The following APOO variants were observed in gnomAD, a reference collection of about 807,000 sequenced individuals.
APOO encodes the protein apolipoprotein O, also known as MICOS complex subunit MIC26.
Under a neutral mutation model 23.1 loss-of-function variants are expected in APOO, and 11 were observed. The ratio of observed to expected loss-of-function variants is 0.48; its 90% CI spans 0.30 to 0.79. The LOEUF (loss-of-function observed/expected upper bound fraction) is 0.79, where lower values mean the gene tolerates loss of function less well. Among genes scored for constraint, APOO ranks in the 30% least tolerant of loss-of-function variants. The pLI is 0.07. For missense variants in APOO, 160 were observed against 142.7 expected (o/e 1.12, Z -0.62); for synonymous variants, 59 against 54.8 (o/e 1.08, Z -0.34).
chrX:23,862,120 T>G (rs1925079775), intron 5 of APOO, among the ~76,000 whole-genome samples: 1 of 111,050 alleles, frequency 9.0e-6, no homozygotes, highest in Admixed American at 9.7e-5. Flanking sequence ...TGCCTCACTT[T>G]GAAACATGAC....
intron 1 of APOO, among the ~76,000 whole-genome samples, chrX:23,901,956 C>G (rs763573983): frequency 2.3e-4 from 26 of 111,892 alleles, no homozygotes; most frequent in African/African-American, 8.4e-4. Flanking sequence ...TTTGGAAGGC[C>G]CTTTCAACCT....
intron 8 of APOO, among the ~76,000 whole-genome samples, chrX:23,837,659 A>T (rs1202953228): frequency 9.3e-6 from 1 of 107,428 alleles, no homozygotes; most frequent in African/African-American, 3.4e-5. Context: ...AATATAAATA[A>T]ATATATATAT....
At chrX:23,834,403 A>G (rs761762951) in intron 8 of APOO, among the ~76,000 whole-genome samples, 1 of 109,130 alleles carries the variant, frequency 9.2e-6, no homozygotes, top group South Asian at 3.9e-4. Context: ...CTCAAAAAAA[A>G]AAAAAAAAAA....
At chrX:23,851,012 AT>A (rs1293119034) in intron 7 of APOO, among the ~76,000 whole-genome samples, 1 of 111,137 alleles carries the variant, frequency 9.0e-6, no homozygotes, top group Admixed American at 9.7e-5. Context: ...AATTTGGTAT[AT>A]TTTTATAAAG....
chrX:23,858,293 G>A (rs1569231146), intron 6 of APOO, among the ~76,000 whole-genome samples: 1 of 111,319 alleles, frequency 9.0e-6, no homozygotes, highest in East Asian at 2.8e-4. Flanking sequence ...AGCAGGTTGT[G>A]ACCGGACATG....
intron 7 of APOO, among the ~76,000 whole-genome samples, chrX:23,854,064 T>C (rs1036927059): frequency 1.8e-5 from 2 of 112,170 alleles, no homozygotes; most frequent in African/African-American, 6.5e-5. Flanking sequence ...CAGAGAGAAA[T>C]GCAAACCAAT....
intron 4 of APOO, among the ~76,000 whole-genome samples, chrX:23,873,460 A>C (rs963881503): frequency 5.4e-5 from 6 of 110,443 alleles, no homozygotes; most frequent in Admixed American, 1.9e-4. Flanking sequence ...TACAAAAACT[A>C]GGTGGATGTG....
intron 5 of APOO, 34 bp from the exon 6 acceptor site, chrX:23,858,767 G>T: frequency 9.0e-7 from 1 of 1,115,868 alleles, no homozygotes; most frequent in Non-Finnish European, 1.2e-6. Context: ...GCCATCAGAT[G>T]ATTCATTATC....
At chrX:23,867,824 G>A (rs1334329527) in intron 5 of APOO, among the ~76,000 whole-genome samples, 1 of 112,025 alleles carries the variant, frequency 8.9e-6, no homozygotes, top group Admixed American at 9.5e-5. Flanking sequence ...TTACAGGCGT[G>A]AGCCACTGCG....
chrX:23,844,677 GAACGC>G (rs1020006574), intron 7 of APOO, among the ~76,000 whole-genome samples: 1 of 111,758 alleles, frequency 8.9e-6, no homozygotes, highest in Admixed American at 9.6e-5. Flanking sequence ...CTCTAGAAAG[GAACGC>G]AACCCTGCTG....
chrX:23,874,909 C>CGCG (rs1321573903), intron 3 of APOO, among the ~76,000 whole-genome samples: 1 of 111,700 alleles, frequency 9.0e-6, no homozygotes, highest in Non-Finnish European at 1.9e-5. Flanking sequence ...GAGACAAAGG[C>CGCG]TATAGCCCAA....
chrX:23,851,314 T>A (rs1924526358), intron 7 of APOO, among the ~76,000 whole-genome samples: 1 of 110,469 alleles, frequency 9.1e-6, no homozygotes, highest in Non-Finnish European at 1.9e-5. Flanking sequence ...TGCCTCAGCC[T>A]CCCGAGTAGC....
chrX:23,903,296 G>A (rs997269442), intron 1 of APOO, among the ~76,000 whole-genome samples: 1 of 110,034 alleles, frequency 9.1e-6, no homozygotes, highest in African/African-American at 3.3e-5. Context: ...CTTGAGCCCG[G>A]GAGGCGGAGG....
intron 5 of APOO, among the ~76,000 whole-genome samples, chrX:23,865,356 C>T (rs1447702865): frequency 9.0e-6 from 1 of 111,136 alleles, no homozygotes; most frequent in Non-Finnish European, 1.9e-5. Context: ...ATGATCCCAG[C>T]ACTTTGGGAG....
chrX:23,882,801 C>G (rs1926205817), intron 1 of APOO, among the ~76,000 whole-genome samples: 1 of 110,811 alleles, frequency 9.0e-6, no homozygotes, highest in African/African-American at 3.3e-5. Context: ...CATGCACCAC[C>G]ATGTCCAGCT....
chrX:23,904,614 C>T (rs1319228352), intron 1 of APOO, among the ~76,000 whole-genome samples: 5 of 104,649 alleles, frequency 4.8e-5, no homozygotes, highest in African/African-American at 1.7e-4. Flanking sequence ...TCTTGCCATT[C>T]TCCTGCCTCA....
At chrX:23,906,611 C>T (rs753304330) in intron 1 of APOO, among the ~76,000 whole-genome samples, 1 of 112,932 alleles carries the variant, frequency 8.9e-6, no homozygotes, top group African/African-American at 3.2e-5. Context: ...ACAAATTTAT[C>T]AAATGAATGT....
rs1306654813 is a variant in APOO at position 23,840,323 on chromosome X, T to C, written c.*19A>G. The C allele has an allele frequency of 1.7e-6, 2 of 1,184,550 alleles. No individual in the cohort carries two copies. Among genetic ancestry groups the C allele is most frequent in the Non-Finnish European group, 2.3e-6 (2 of 881,672 alleles). Reference sequence around the variant, plus strand: ...TTTCTTGTTTTTTACCTGATTAAGATGGCAGAGCATGGAGTTTTCTACTTA... The same window carrying C: ...TTTCTTGTTTTTTACCTGATTAAGACGGCAGAGCATGGAGTTTTCTACTTA... On this transcript the variant is annotated 3_prime_UTR_variant, in exon 8 of 9. Transcript: ENST00000379226.
intron 1 of APOO, among the ~76,000 whole-genome samples, chrX:23,907,389 G>T (rs905453485): frequency 6.2e-5 from 7 of 112,214 alleles, no homozygotes; most frequent in Non-Finnish European, 1.1e-4. Flanking sequence ...TCCCAAGAGG[G>T]TACTAGCCGA....
Sources: allele counts gnomAD v4.1 joint callset (sites outside exome capture counted in the v4.1 genomes callset), GRCh38; gene constraint gnomAD v4.1.1; transcripts MANE v1.5; gene names NCBI Gene and HGNC (gene_info 2026-07-23, HGNC 2026-07-21).